The following ASRGL1 variants were observed in gnomAD, a reference collection of about 807,000 sequenced individuals.
ASRGL1 encodes asparaginase and isoaspartyl peptidase 1, also known as isoaspartyl peptidase/L-asparaginase.
Under a neutral mutation model 22.4 loss-of-function variants are expected in ASRGL1, and 16 were observed. The ratio of observed to expected loss-of-function variants is 0.71; its 90% confidence interval spans 0.48 to 1.08. The LOEUF is 1.08. Among genes scored for constraint, ASRGL1 ranks in the 50% least tolerant of loss-of-function variants. The probability of loss-of-function intolerance (pLI) is 0.00; values close to 1 mark genes in which losing one functional copy is unlikely to be tolerated. For synonymous variants in ASRGL1, 165 were observed against 159.3 expected (o/e 1.04, Z -0.27); for missense variants, 412 against 410.1 (o/e 1.00, Z -0.04).
Position 62,341,380 on chromosome 11 carries a change from A to T in ASRGL1, c.190+3213A>T, listed in dbSNP as rs546947213. ...GGACCAGCTAATTTTTAGTATTTTT[A>T]GTAGAGACGGGGTTTCACTGTGTTA... is the stretch of plus-strand genomic sequence containing the variant. On this transcript the variant is annotated intron_variant, in intron 2 of 6. Coordinates refer to ENST00000415229, the MANE Select transcript of ASRGL1 (RefSeq NM_001083926.2). 2.0e-4 allele frequency among the ~76,000 whole-genome samples: 31 copies of T among 152,024 alleles called. 1 individual carries two copies. In the South Asian group the frequency reaches 6.0e-3, roughly 30 times the overall value.
At chr11:62,371,981 A>T in intron 4 of ASRGL1, 1 of 635,784 alleles carries the variant, frequency 1.6e-6, no homozygotes, top group South Asian at 1.7e-5. Context: ...AAAAGTTCCT[A>T]AACAGGAAGC....
rs1393599376 is a variant in ASRGL1 at position 62,338,118 on chromosome 11, C to G, written c.141C>G (p.Ala47=). Residue 47 remains alanine, a synonymous_variant, in exon 2 of 7, where the codon GCC becomes GCG. Transcript: ENST00000415229. ...ILREGGSAVD[A]VEGAVVALED... is the part of the protein sequence containing the mutation. ...GGGAGGGCGGGAGCGCCGTGGATGC[C>G]GTAGAGGGAGCTGTCGTCGCCCTGG... 5 of 1,604,336 alleles carry G rather than the reference C, an allele frequency of 3.1e-6. No individual in the cohort carries two copies. Among genetic ancestry groups the G allele is most frequent in the African/African-American group, 1.3e-5 (1 of 74,848 alleles).
the ASRGL1 span, among the ~76,000 whole-genome samples, chr11:62,400,177 A>C: frequency 6.6e-6 from 1 of 152,046 alleles, no homozygotes; most frequent in Non-Finnish European, 1.5e-5. Flanking sequence ...CCCCCAGGAT[A>C]TGAGGGGCTC....
chr11:62,373,792 C>G (rs1946839581), intron 4 of ASRGL1, among the ~76,000 whole-genome samples: 1 of 152,226 alleles, frequency 6.6e-6, no homozygotes, highest in Non-Finnish European at 1.5e-5. Context: ...TCAGCTGTGT[C>G]CCCCCTGGTG....
At chr11:62,384,186 G>A (rs1358148878) in intron 4 of ASRGL1, among the ~76,000 whole-genome samples, 1 of 152,008 alleles carries the variant, frequency 6.6e-6, no homozygotes, top group Non-Finnish European at 1.5e-5. Context: ...TCCAGCCTGG[G>A]CAACAGTGCA....
chr11:62,356,887 T>A (rs1008367687), intron 3 of ASRGL1, 100 bp from the exon 4 acceptor site: 3 of 1,360,760 alleles, frequency 2.2e-6, no homozygotes, highest in Non-Finnish European at 3.0e-6. Context: ...TTTGATCCTT[T>A]GCACCCAGAG....
rs58891136 is a variant in ASRGL1, at chr11:62,357,224, CTTTTGTTTTGTTTTG to C, written c.491+109_491+123del. 1,662 of 726,964 alleles carry C rather than the reference CTTTTGTTTTGTTTTG, an allele frequency of 2.3e-3. 6 individuals carry two copies. The highest frequency in any genetic ancestry group is 0.016 in the African/African-American group (846 of 53,278). The allele number at this position is 726,964 out of a possible 1,614,324, so 45.0% of individuals were successfully genotyped here. On this transcript the variant is annotated intron_variant, in intron 4 of 6. Coordinates refer to ENST00000415229, the MANE Select transcript of ASRGL1 (RefSeq NM_001083926.2). The stretch of plus-strand genomic sequence containing the variant: ...GGCAAATACCTGGTTATCTACAGTT[CTTTTGTTTTGTTTTG>C]TTTTGTTTTGTTTTGTTTTGTTTTG...
rs1227728166 is a variant in ASRGL1, at chr11:62,375,455, T to C, written c.492-13678T>C. Among the ~76,000 whole-genome samples the C allele has an allele frequency of 8.6e-4, 84 of 97,516 alleles. 2 individuals are homozygous for C. Among genetic ancestry groups the C allele is most frequent in the African/African-American group, 4.2e-3 (83 of 19,708 alleles). 64.0% of individuals were successfully genotyped at this position (97,516 alleles called of 152,430 possible). ...ATATATATATATATATATATATATA[T>C]ATATATATATATATATATATATATA... On this transcript the variant is annotated intron_variant, in intron 4 of 6. Transcript: ENST00000415229.
rs1379315567 is a variant in ASRGL1, at chr11:62,393,026, T to C, written c.*742T>C. 1 of 152,378 alleles carries C rather than the reference T, an allele frequency of 6.6e-6. No homozygotes were observed. Among genetic ancestry groups the C allele is most frequent in the Non-Finnish European group, 1.5e-5 (1 of 68,198 alleles). 9.4% of individuals were successfully genotyped at this position (152,378 alleles called of 1,614,324 possible). On this transcript the variant is annotated 3_prime_UTR_variant, in exon 7 of 7. Coordinates refer to ENST00000415229, the MANE Select transcript of ASRGL1 (RefSeq NM_001083926.2). ...AGCCCCCTCACTTGGTGTTCTCCCG[T>C]GAGCCAGCCTCCACCTGCCAAAGAC... is the stretch of plus-strand genomic sequence containing the variant.
chr11:62,353,579 T>A (rs1310850046), intron 2 of ASRGL1, among the ~76,000 whole-genome samples: 2 of 152,084 alleles, frequency 1.3e-5, no homozygotes, highest in Non-Finnish European at 2.9e-5. Flanking sequence ...CAAGAGATCC[T>A]CTTGCCTCAG....
At position 62,372,226 on chromosome 11, in the gene ASRGL1, G is replaced by A. The variant is rs1946791334; in HGVS notation, c.491+15082G>A. The stretch of plus-strand genomic sequence containing the variant: ...AGGGTCTCAGCCACGAAGTGATTGT[G>A]TGCAGCGTGTGCGCGGAACCACACC... On this transcript the variant is annotated intron_variant, in intron 4 of 6. Coordinates refer to ENST00000415229, the MANE Select transcript of ASRGL1 (RefSeq NM_001083926.2). 4 of 1,313,642 alleles carry A rather than the reference G, an allele frequency of 3.0e-6. No homozygotes were observed. In the South Asian group the frequency reaches 4.7e-5, roughly 16 times the overall value. 81.4% of individuals were successfully genotyped at this position (1,313,642 alleles called of 1,614,324 possible).
chr11:62,338,733 C>G (rs1206949592), intron 2 of ASRGL1, among the ~76,000 whole-genome samples: 4 of 150,650 alleles, frequency 2.7e-5, no homozygotes, highest in East Asian at 1.9e-4. Context: ...GTCAGGAGTT[C>G]GAGACCAGCC....
chr11:62,366,942 C>G (rs904051033), intron 4 of ASRGL1, among the ~76,000 whole-genome samples: 12 of 152,186 alleles, frequency 7.9e-5, no homozygotes, highest in Non-Finnish European at 1.5e-4. Flanking sequence ...CGGTGCCTCA[C>G]GCCTGTAATC....
chr11:62,348,613 G>A (rs1327521161), intron 2 of ASRGL1, among the ~76,000 whole-genome samples: 2 of 152,030 alleles, frequency 1.3e-5, no homozygotes, highest in African/African-American at 4.8e-5. Context: ...TGAGGCAGGA[G>A]AATCACTTGA....
At chr11:62,356,291 T>TA (rs1946293242) in intron 2 of ASRGL1, 34 bp from the exon 3 acceptor site, 1 of 1,610,542 alleles carries the variant, frequency 6.2e-7, no homozygotes, top group South Asian at 1.1e-5. Flanking sequence ...CGTAAATTCT[T>TA]AATTCTTGCT....
downstream of ASRGL1, among the ~76,000 whole-genome samples, chr11:62,397,546 C>A (rs1742144422): frequency 6.6e-6 from 1 of 151,738 alleles, no homozygotes; most frequent in South Asian, 2.1e-4. Flanking sequence ...TGCCTGTAAT[C>A]GCAGCTACTG....
chr11:62,385,674 G>A (rs1460613655), intron 4 of ASRGL1, among the ~76,000 whole-genome samples: 1 of 151,744 alleles, frequency 6.6e-6, no homozygotes, highest in African/African-American at 2.4e-5. Context: ...AGACCAGCCT[G>A]ACCAACATGG....
intron 2 of ASRGL1, among the ~76,000 whole-genome samples, chr11:62,354,384 A>G (rs1946230465): frequency 6.6e-6 from 1 of 152,204 alleles, no homozygotes; most frequent in African/African-American, 2.4e-5. Context: ...TCAACCTTAT[A>G]TCGGCTGGTT....
downstream of ASRGL1, among the ~76,000 whole-genome samples, chr11:62,395,115 C>T (rs1421829206): frequency 2.0e-5 from 3 of 152,186 alleles, no homozygotes; most frequent in Non-Finnish European, 2.9e-5. Flanking sequence ...TCTTCCTGAC[C>T]TTCATTTTCG....
Sources: gnomAD v4.1 joint callset for allele counts (sites outside exome capture counted in the v4.1 genomes callset) on GRCh38, gnomAD v4.1.1 for gene constraint, MANE v1.5 for transcripts, NCBI Gene and HGNC (gene_info 2026-07-23, HGNC 2026-07-21) for gene names.